The following KIF26B variants were observed in gnomAD, a reference collection of about 807,000 sequenced individuals.
KIF26B encodes the protein kinesin family member 26B, also known as kinesin-like protein KIF26B.
Under a neutral mutation model 151.2 loss-of-function variants are expected in KIF26B, and 63 were observed. That is an observed-to-expected ratio of 0.42 (90% confidence interval 0.34 to 0.51). KIF26B has a LOEUF of 0.51. KIF26B is among the 20% of genes least tolerant of loss of function. The pLI, the probability that KIF26B is intolerant of heterozygous loss-of-function variation, is 0.07. For synonymous variants in KIF26B, 1,357 were observed against 1,262.1 expected, an observed-to-expected ratio of 1.08 and a Z score of -1.59; for missense variants, 2,813 against 2,913.6, an observed-to-expected ratio of 0.97 and a Z score of 0.79.
At chr1:245,607,066 C>CAAAAA (rs35411674) in intron 6 of KIF26B, among the ~76,000 whole-genome samples, 3 of 72,674 alleles carry the variant, frequency 4.1e-5, no homozygotes, top group African/African-American at 9.7e-5. Context: ...AACTCCGTCT[C>CAAAAA]AAAAAAAAAA....
chr1:245,306,869 C>T (rs1671565169), intron 2 of KIF26B, among the ~76,000 whole-genome samples: 1 of 152,212 alleles, frequency 6.6e-6, no homozygotes. Context: ...CTCATATTGG[C>T]ATCCTTCAGG....
intron 4 of KIF26B, among the ~76,000 whole-genome samples, chr1:245,539,810 AC>A (rs1448354779): frequency 1.3e-5 from 2 of 151,612 alleles, no homozygotes; most frequent in Non-Finnish European, 2.9e-5. Context: ...GCACCACCAC[AC>A]CCGGCTAATT....
chr1:245,356,339 T>C (rs1198399345), intron 2 of KIF26B, among the ~76,000 whole-genome samples: 2 of 152,162 alleles, frequency 1.3e-5, no homozygotes, highest in South Asian at 2.1e-4. Flanking sequence ...GTGGATCACC[T>C]GAGGTCAGGA....
chr1:245,291,577 C>T (rs1056116191), intron 2 of KIF26B, among the ~76,000 whole-genome samples: 6 of 152,150 alleles, frequency 3.9e-5, no homozygotes, highest in African/African-American at 1.4e-4. Flanking sequence ...TTCTCCTGAG[C>T]ATCTTGTATA....
chr1:245,572,547 A>C lies in KIF26B; in HGVS notation c.1351-30030A>C, dbSNP rs1420142221. ...ACCCTCCCGGTGAACACTCAGTTAAAATTCCTACTCGCTGCAGTGGGAAAT... is the reference window on the plus strand; with the variant it reads ...ACCCTCCCGGTGAACACTCAGTTAACATTCCTACTCGCTGCAGTGGGAAAT... On this transcript the variant is annotated intron_variant, in intron 5 of 14. Transcript: ENST00000407071. The surrounding 1 kb of genome is among the most constrained non-coding windows in gnomAD (Gnocchi z 4.2). 1.3e-5 allele frequency among the ~76,000 whole-genome samples: 2 copies of C among 152,146 alleles called. No individual in the cohort carries two copies. Among genetic ancestry groups the C allele is most frequent in the Non-Finnish European group, 2.9e-5 (2 of 68,028 alleles).
At position 245,162,285 on chromosome 1, in the gene KIF26B, C is replaced by T. The variant is rs570070538; in HGVS notation, c.465+5602C>T. On this transcript the variant is annotated intron_variant, in intron 2 of 14. Transcript: ENST00000407071. ...TCAGCATCCTTTCTTTCCTGTTTCTCGTCTATGGTGTTATTGTGGCGAAGG... is the reference window on the plus strand; with the variant it reads ...TCAGCATCCTTTCTTTCCTGTTTCTTGTCTATGGTGTTATTGTGGCGAAGG... 7.4e-4 allele frequency among the ~76,000 whole-genome samples: 112 copies of T among 151,410 alleles called. 4 individuals are homozygous for T. The South Asian group carries it at 0.023, about 31-fold the overall frequency.
intron 2 of KIF26B, among the ~76,000 whole-genome samples, chr1:245,228,929 C>T (rs1669933340): frequency 6.6e-6 from 1 of 152,014 alleles, no homozygotes; most frequent in African/African-American, 2.4e-5. Context: ...ATAAGGTTAC[C>T]TTCCAGCTAG....
chr1:245,302,251 C>T lies in KIF26B; in HGVS notation c.466-64583C>T, dbSNP rs564952396. 4.7e-4 allele frequency among the ~76,000 whole-genome samples: 72 copies of T among 152,282 alleles called. 1 individual carries two copies. Among genetic ancestry groups the T allele is most frequent in the African/African-American group, 1.3e-3 (54 of 41,556 alleles). Reference sequence around the variant, plus strand: ...AGCAACCGGATTATGTTTGTCAGTACGAGTCAGAAAAATCTAATATATATT... The same window carrying T: ...AGCAACCGGATTATGTTTGTCAGTATGAGTCAGAAAAATCTAATATATATT... On this transcript the variant is annotated intron_variant, in intron 2 of 14. Coordinates refer to ENST00000407071, the MANE Select transcript of KIF26B (RefSeq NM_018012.4).
intron 4 of KIF26B, among the ~76,000 whole-genome samples, chr1:245,529,828 C>G (rs774050121): frequency 1.3e-5 from 2 of 152,114 alleles, no homozygotes; most frequent in Non-Finnish European, 2.9e-5. Context: ...CAAATGGGAT[C>G]ACATCAGGTT....
At chr1:245,319,452 T>C (rs1671842309) in intron 2 of KIF26B, among the ~76,000 whole-genome samples, 1 of 152,072 alleles carries the variant, frequency 6.6e-6, no homozygotes, top group Non-Finnish European at 1.5e-5. Flanking sequence ...TGAAAACTTA[T>C]TGTTGAGGTG....
At chr1:245,539,391 C>T (rs923119837) in intron 4 of KIF26B, among the ~76,000 whole-genome samples, 8 of 152,160 alleles carry the variant, frequency 5.3e-5, no homozygotes, top group South Asian at 4.1e-4. Flanking sequence ...CTGCTTCTCT[C>T]GTGATGTGTT....
chr1:245,260,824 C>T (rs768288130), intron 2 of KIF26B, among the ~76,000 whole-genome samples: 2 of 152,246 alleles, frequency 1.3e-5, no homozygotes, highest in Non-Finnish European at 2.9e-5. Context: ...CATTAAGTTT[C>T]TGGACTTCAG....
chr1:245,604,056 G>A (rs910739589), intron 6 of KIF26B, among the ~76,000 whole-genome samples: 1 of 152,248 alleles, frequency 6.6e-6, no homozygotes. Context: ...TAAGTGGCAC[G>A]AAACAGCACC....
At chr1:245,424,678 CG>C (rs1658578233) in intron 4 of KIF26B, among the ~76,000 whole-genome samples, 1 of 152,088 alleles carries the variant, frequency 6.6e-6, no homozygotes, top group South Asian at 2.1e-4. Flanking sequence ...GGAGAGGAAG[CG>C]TTTAGAAACA....
chr1:245,511,149 T>A (rs1436708779), intron 4 of KIF26B: 2 of 716,926 alleles, frequency 2.8e-6, no homozygotes, highest in East Asian at 2.7e-5. Flanking sequence ...CAGTTATATA[T>A]GTTGCTGGAG....
Position 245,512,123 on chromosome 1 carries a change from G to GCA in KIF26B, c.1167-28644_1167-28643insCA, listed in dbSNP as rs1660851903. Reference sequence around the variant, plus strand: ...TTTTAAAAAAAGTCCATACGGTAATGTTAATGCAGCTATTTCTGGCTTCTT... The same window carrying GCA: ...TTTTAAAAAAAGTCCATACGGTAATGCATTAATGCAGCTATTTCTGGCTTCTT... On this transcript the variant is annotated intron_variant, in intron 4 of 14. Coordinates refer to ENST00000407071, the MANE Select transcript of KIF26B (RefSeq NM_018012.4). This position sits in a 1 kb window ranked among gnomAD's most constrained non-coding sequence, Gnocchi z 4.3. 6.6e-6 allele frequency among the ~76,000 whole-genome samples: 1 copy of GCA among 152,202 alleles called. No homozygotes were observed. Among genetic ancestry groups the GCA allele is most frequent in the Non-Finnish European group, 1.5e-5 (1 of 68,024 alleles).
chr1:245,201,807 G>A (rs1669304987), intron 2 of KIF26B, among the ~76,000 whole-genome samples: 1 of 152,218 alleles, frequency 6.6e-6, no homozygotes, highest in Non-Finnish European at 1.5e-5. Context: ...TGTTTCTGCA[G>A]GAATGTTTTT....
intron 2 of KIF26B, among the ~76,000 whole-genome samples, chr1:245,161,356 T>A (rs975154440): frequency 2.6e-5 from 4 of 152,224 alleles, no homozygotes; most frequent in African/African-American, 9.6e-5. Context: ...TAATTCACTT[T>A]GCAAAAATCC....
At chr1:245,467,190 A>G (rs146789955) in intron 4 of KIF26B, among the ~76,000 whole-genome samples, 263 of 152,346 alleles carry the variant, frequency 1.7e-3, no homozygotes, top group African/African-American at 5.7e-3. Flanking sequence ...TGAACATTCC[A>G]TAATAAAATA....
Sources: gnomAD v4.1 joint callset for allele counts (sites outside exome capture counted in the v4.1 genomes callset) on GRCh38, gnomAD v4.1.1 for gene constraint, Gnocchi (gnomAD v3.1) non-coding constraint, MANE v1.5 for transcripts, NCBI Gene and HGNC (gene_info 2026-07-23, HGNC 2026-07-21) for gene names.